NDUFC1: variants seen among roughly 807,000 people sequenced by gnomAD.
The protein encoded by NDUFC1 is NADH:ubiquinone oxidoreductase subunit C1, also known as NADH dehydrogenase [ubiquinone] 1 subunit C1, mitochondrial.
A neutral mutation model predicts 11.6 loss-of-function variants in NDUFC1; 11 were observed. The observed-to-expected ratio is 0.95, with a 90% CI of 0.60 to 1.58. The LOEUF (loss-of-function observed/expected upper bound fraction) is 1.58, where lower values mean the gene tolerates loss of function less well. Ranked by LOEUF, NDUFC1 falls within the 40% of genes most tolerant of loss-of-function variation. The probability of loss-of-function intolerance (pLI) is 0.00; values close to 1 mark genes in which losing one functional copy is unlikely to be tolerated. For missense variants in NDUFC1, 112 were observed against 93.0 expected (o/e 1.20, Z -0.84); for synonymous variants, 52 against 42.2 (o/e 1.23, Z -0.90).
At chr4:139,295,561 G>A (rs1745426953) in intron 3 of NDUFC1, among the ~76,000 whole-genome samples, 171 bp downstream of exon 3, 2 of 152,232 alleles carry the variant, frequency 1.3e-5, no homozygotes, top group African/African-American at 2.4e-5. Flanking sequence ...GTGATGGGGA[G>A]CAGAGAGCCC....
chr4:139,290,096 T>C lies in NDUFC1; in HGVS notation c.*21-4A>G, dbSNP rs571761116. 6.6e-6 allele frequency: 1 copy of C among 150,812 alleles called. No individual in the cohort carries two copies. The highest frequency in any genetic ancestry group is 1.9e-4 in the East Asian group (1 of 5,156). The allele number at this position is 150,812 out of a possible 1,614,324, so 9.3% of individuals were successfully genotyped here. ...ACAATCACTATACGGAGCATACCTA[T>C]AATGAAGAAAAAAAAAACTGTAGCA... On this transcript the variant is annotated splice_region_variant and splice_polypyrimidine_tract_variant and intron_variant, in intron 5 of 5. Coordinates refer to ENST00000394223, the MANE Select transcript of NDUFC1 (RefSeq NM_001184989.2).
At chr4:139,290,370 C>T (rs1303217907) in intron 5 of NDUFC1, among the ~76,000 whole-genome samples, 1 of 143,890 alleles carries the variant, frequency 6.9e-6, no homozygotes, top group East Asian at 2.0e-4. Flanking sequence ...TGCCCAAACT[C>T]CTGGGCATAT....
intron 1 of NDUFC1, chr4:139,302,089 C>G: frequency 2.5e-6 from 1 of 397,914 alleles, no homozygotes; most frequent in Non-Finnish European, 4.5e-6. Flanking sequence ...CTCCCGGCTT[C>G]TAGACTGCCG....
chr4:139,293,461 G>A (rs1353212601), intron 4 of NDUFC1, among the ~76,000 whole-genome samples: 1 of 152,190 alleles, frequency 6.6e-6, no homozygotes, highest in Non-Finnish European at 1.5e-5. Flanking sequence ...TCAATCACTA[G>A]TGCTCTCAGC....
chr4:139,299,001 A>C (rs1362006697), intron 1 of NDUFC1, among the ~76,000 whole-genome samples: 1 of 150,370 alleles, frequency 6.7e-6, no homozygotes, highest in Admixed American at 6.6e-5. Context: ...ATGTAGTCTC[A>C]CTCTGTTGTC....
At chr4:139,297,259 A>G (rs1560942025) in intron 2 of NDUFC1, 126 bp downstream of exon 2, 1 of 152,216 alleles carries the variant, frequency 6.6e-6, no homozygotes, top group Non-Finnish European at 1.5e-5. Flanking sequence ...ACCAGTAAGC[A>G]AATTACTAAT....
rs1225007316 is a variant in NDUFC1 at position 139,295,954 on chromosome 4, C to A, written c.-156G>T. 1.5e-6 allele frequency: 1 copy of A among 684,932 alleles called. No homozygotes were observed. The highest frequency in any genetic ancestry group is 2.4e-6 in the Non-Finnish European group (1 of 408,452). The allele number at this position is 684,932 out of a possible 1,614,324, so 42.4% of individuals were successfully genotyped here. ...GGTTCTCTAGCACCCCGGCCTCAGC[C>A]TTCTGTCTATACAGTGGAATTAGGA... On this transcript the variant is annotated 5_prime_UTR_variant, in exon 3 of 6. The change creates a new upstream start codon in the 5' untranslated region. Coordinates refer to ENST00000394223, the MANE Select transcript of NDUFC1 (RefSeq NM_001184989.2).
At chr4:139,290,871 G>A (rs1044918162) in intron 5 of NDUFC1, among the ~76,000 whole-genome samples, 2 of 151,674 alleles carry the variant, frequency 1.3e-5, no homozygotes, top group Admixed American at 1.3e-4. Context: ...CCCAATATTG[G>A]CTCAATGCAA....
chr4:139,294,188 C>A (rs1448991342), intron 4 of NDUFC1, among the ~76,000 whole-genome samples: 1 of 151,686 alleles, frequency 6.6e-6, no homozygotes, highest in Non-Finnish European at 1.5e-5. Context: ...CGTGATCCGC[C>A]CACCTTGGCC....
chr4:139,295,312 G>C (rs1216489840), intron 3 of NDUFC1, among the ~76,000 whole-genome samples, 166 bp from the exon 4 acceptor site: 1 of 152,188 alleles, frequency 6.6e-6, no homozygotes, highest in Admixed American at 6.5e-5. Context: ...ACCTCGCCCA[G>C]GGCCACTGGC....
At chr4:139,301,087 A>C (rs1745699017) in intron 1 of NDUFC1, 1 of 153,926 alleles carries the variant, frequency 6.5e-6, no homozygotes. Flanking sequence ...TTCATTTTCC[A>C]CTCCGCCTCT....
intron 4 of NDUFC1, 125 bp downstream of exon 4, chr4:139,294,918 T>C (rs1381922500): frequency 6.3e-6 from 4 of 632,106 alleles, no homozygotes; most frequent in African/African-American, 1.8e-5. Flanking sequence ...ATTATATAAA[T>C]ATCCTACTGT....
chr4:139,297,177 C>T (rs1745507783), intron 2 of NDUFC1, among the ~76,000 whole-genome samples: 1 of 152,232 alleles, frequency 6.6e-6, no homozygotes, highest in South Asian at 2.1e-4. Flanking sequence ...CCGTTGGAAG[C>T]TTGTCCTGAT....
intron 5 of NDUFC1, among the ~76,000 whole-genome samples, chr4:139,290,307 A>AT (rs1745157102): frequency 7.0e-6 from 1 of 143,882 alleles, no homozygotes; most frequent in Non-Finnish European, 1.5e-5. Context: ...TGCCTATTTC[A>AT]TTTTTACCTC....
intron 1 of NDUFC1, among the ~76,000 whole-genome samples, chr4:139,298,052 C>T (rs958182070): frequency 6.6e-6 from 1 of 151,600 alleles, no homozygotes; most frequent in Admixed American, 6.6e-5. Context: ...CTCGGTGACA[C>T]AGTGAGACCC....
chr4:139,290,210 C>G (rs529245116), intron 5 of NDUFC1, 118 bp from the exon 6 acceptor site: 1 of 151,628 alleles, frequency 6.6e-6, no homozygotes, highest in African/African-American at 2.4e-5. Context: ...ACAAAGAGTA[C>G]CAATACCTTA....
Position 139,295,924 on chromosome 4 carries a change from G to T in NDUFC1, c.-126C>A. On this transcript the variant is annotated 5_prime_UTR_variant, in exon 3 of 6. Transcript: ENST00000394223. ...GGGGCGTCAACGTGAATTCCAGCACGGCAAGGTTCTCTAGCACCCCGGCCT... is the reference window on the plus strand; with the variant it reads ...GGGGCGTCAACGTGAATTCCAGCACTGCAAGGTTCTCTAGCACCCCGGCCT... 2 of 933,630 alleles carry T rather than the reference G, an allele frequency of 2.1e-6. No homozygotes were observed. The highest frequency in any genetic ancestry group is 3.0e-5 in the Admixed American group (1 of 33,796). 57.8% of individuals were successfully genotyped at this position (933,630 alleles called of 1,614,324 possible).
intron 1 of NDUFC1, among the ~76,000 whole-genome samples, chr4:139,297,777 A>G (rs990909127): frequency 6.6e-6 from 1 of 152,220 alleles, no homozygotes; most frequent in Non-Finnish European, 1.5e-5. Context: ...CAAACTTAGG[A>G]CTTGGGCCAG....
At chr4:139,292,129 G>A (rs950308793) in intron 5 of NDUFC1, among the ~76,000 whole-genome samples, 56 of 152,096 alleles carry the variant, frequency 3.7e-4, no homozygotes, top group Non-Finnish European at 6.8e-4. Context: ...GAGCCACCGC[G>A]CCTGGCAGAT....
Sources: gnomAD v4.1 joint callset for allele counts (sites outside exome capture counted in the v4.1 genomes callset) on GRCh38, gnomAD v4.1.1 for gene constraint, MANE v1.5 for transcripts, NCBI Gene and HGNC (gene_info 2026-07-23, HGNC 2026-07-21) for gene names.